TERF1: variants seen among roughly 807,000 people sequenced by gnomAD.
The protein encoded by TERF1 is telomeric repeat-binding factor 1.
In TERF1, 20 loss-of-function variants were observed where a neutral mutation model predicts 55.1. That is an observed-to-expected ratio of 0.36 (90% CI 0.26 to 0.53). The LOEUF is 0.53. Among genes scored for constraint, TERF1 ranks in the 20% least tolerant of loss-of-function variants. The probability of loss-of-function intolerance (pLI) is 0.91; values close to 1 mark genes in which losing one functional copy is unlikely to be tolerated. For missense variants in TERF1, 439 were observed against 535.7 expected, an observed-to-expected ratio of 0.82 and a Z score of 1.78; for synonymous variants, 168 against 181.2, an observed-to-expected ratio of 0.93 and a Z score of 0.59.
Position 73,047,059 on chromosome 8 carries a change from A to T in TERF1, c.*922A>T, listed in dbSNP as rs1239597091. 1.3e-5 allele frequency: 2 copies of T among 152,224 alleles called. No homozygotes were observed. Among genetic ancestry groups the T allele is most frequent in the South Asian group, 2.1e-4 (1 of 4,828 alleles). 9.4% of individuals were successfully genotyped at this position (152,224 alleles called of 1,614,324 possible). On this transcript the variant is annotated 3_prime_UTR_variant, in exon 10 of 10. Coordinates refer to ENST00000276603, the MANE Select transcript of TERF1 (RefSeq NM_017489.3). ...GGGGAGCGGGAGCAAGAGCTGAAAA[A>T]CTTACCTACTGGGGACTGTGCTCAC... is the stretch of plus-strand genomic sequence containing the variant.
intron 1 of TERF1, 101 bp downstream of exon 1, chr8:73,009,306 C>A: frequency 2.8e-5 from 2 of 70,850 alleles, no homozygotes; most frequent in Non-Finnish European, 4.8e-5. Flanking sequence ...GAGGGAGGGG[C>A]TGCTGCGGCC....
chr8:73,030,530 A>T, intron 7 of TERF1, 135 bp downstream of exon 7: 3 of 520,956 alleles, frequency 5.8e-6, no homozygotes, highest in East Asian at 3.7e-5. Context: ...CCCAACAGAT[A>T]GTCACGACTC....
rs144319719 is a variant in TERF1, at chr8:73,024,941, A to G, written c.744A>G (p.Leu248=). Residue 248 remains leucine (L), a synonymous_variant, in exon 5 of 10, where the codon CTA becomes CTG. Coordinates refer to ENST00000276603, the MANE Select transcript of TERF1 (RefSeq NM_017489.3). ...TTAAGAGTTATGTGAATTATGTGCTAAGTGAAAAATCATCAACCTTTCTAA... is the reference window on the plus strand; with the variant it reads ...TTAAGAGTTATGTGAATTATGTGCTGAGTGAAAAATCATCAACCTTTCTAA... ...EKIKSYVNYV[L]SEKSSTFLMK... is the part of the protein sequence containing the mutation. 2.7e-4 allele frequency: 425 copies of G among 1,577,418 alleles called. 1 individual carries two copies. The Middle Eastern group carries it at 3.3e-3, about 12-fold the overall frequency.
chr8:73,018,090 C>A (rs1333353970), intron 2 of TERF1, among the ~76,000 whole-genome samples: 1 of 152,158 alleles, frequency 6.6e-6, no homozygotes, highest in Non-Finnish European at 1.5e-5. Flanking sequence ...ATGCACAATT[C>A]CATTAAAGTA....
At chr8:73,037,881 A>T (rs1250250036) in intron 8 of TERF1, among the ~76,000 whole-genome samples, 2 of 119,980 alleles carry the variant, frequency 1.7e-5, no homozygotes, top group Admixed American at 1.2e-4. Context: ...AATATATATA[A>T]ATATGATATA....
At chr8:73,037,794 A>ATAATAATATATATATTATATATAATATAT (rs1809641964) in intron 8 of TERF1, among the ~76,000 whole-genome samples, 4 of 15,318 alleles carry the variant, frequency 2.6e-4, no homozygotes, top group South Asian at 1.3e-3. Context: ...TATAATATAT[A>ATAATAATATATATATTATATATAATATAT]GTATAATAAT....
Position 73,008,947 on chromosome 8 carries a change from G to C in TERF1, c.61G>C (p.Ala21Pro), listed in dbSNP as rs773732535. 1 of 1,613,030 alleles carries C rather than the reference G, an allele frequency of 6.2e-7. No individual in the cohort carries two copies. The highest frequency in any genetic ancestry group is 8.5e-7 in the Non-Finnish European group (1 of 1,179,734). The change falls in exon 1 of 10, where the codon GCC (alanine) becomes CCC (proline). Residue 21 changes from alanine to proline, a missense_variant. Ala to Pro is a conservative substitution (Grantham distance 27, BLOSUM62 -1). Coordinates refer to ENST00000276603, the MANE Select transcript of TERF1 (RefSeq NM_017489.3). ...SPRGCADGRD[A>P]DPTEEQMAET... ...GCGGGGCTGTGCGGATGGTAGGGAT[G>C]CCGACCCTACTGAGGAGCAGATGGC...
At chr8:73,039,773 GTGT>G (rs1809755259) in intron 9 of TERF1, among the ~76,000 whole-genome samples, 1 of 68,140 alleles carries the variant, frequency 1.5e-5, no homozygotes, top group African/African-American at 8.9e-5. Context: ...TTTTTGTGGT[GTGT>G]GTGTGTGTGT....
At chr8:73,032,163 G>A (rs745640733) in intron 8 of TERF1, 30 bp downstream of exon 8, 91 of 1,508,608 alleles carry the variant, frequency 6.0e-5, no homozygotes, top group Non-Finnish European at 8.0e-5. Flanking sequence ...TTTTAGAAGG[G>A]GAGAATTGAT....
intron 9 of TERF1, among the ~76,000 whole-genome samples, chr8:73,039,544 G>A (rs1290782904): frequency 4.6e-5 from 7 of 152,052 alleles, no homozygotes; most frequent in African/African-American, 1.7e-4. Context: ...TTTCCTAACA[G>A]GGATCCAGTG....
intron 9 of TERF1, among the ~76,000 whole-genome samples, chr8:73,039,980 C>T (rs1809766460): frequency 2.0e-5 from 3 of 148,262 alleles, no homozygotes; most frequent in East Asian, 2.0e-4. Flanking sequence ...TGGCTGGAAC[C>T]GTTTTCTTAC....
chr8:73,042,505 A>G (rs1429126322), intron 9 of TERF1, among the ~76,000 whole-genome samples: 1 of 152,016 alleles, frequency 6.6e-6, no homozygotes, highest in Non-Finnish European at 1.5e-5. Flanking sequence ...CTACTTGGAC[A>G]GTTTTCTTTT....
chr8:73,021,810 G>A (rs1333663661), intron 3 of TERF1, among the ~76,000 whole-genome samples: 2 of 152,032 alleles, frequency 1.3e-5, no homozygotes, highest in African/African-American at 4.8e-5. Flanking sequence ...ATTTTCCAGG[G>A]ATCTGACTAG....
At chr8:73,037,619 TTA>T (rs1563471549) in intron 8 of TERF1, among the ~76,000 whole-genome samples, 1 of 99,866 alleles carries the variant, frequency 1.0e-5, no homozygotes, top group Non-Finnish European at 1.8e-5. Context: ...ATTATATATA[TTA>T]TATATTATAT....
rs1810084039 is a variant in TERF1, at chr8:73,047,352, C to T, written c.*1215C>T. The T allele has an allele frequency of 2.0e-5, 3 of 151,796 alleles. No homozygotes were observed. The highest frequency in any genetic ancestry group is 7.3e-5 in the African/African-American group (3 of 41,312). The allele number at this position is 151,796 out of a possible 1,614,324, so 9.4% of individuals were successfully genotyped here. ...TGAATAGATCTTTATAACCTGATGC[C>T]ATAAATACAAGATTCTCTGATACCT... On this transcript the variant is annotated 3_prime_UTR_variant, in exon 10 of 10. Coordinates refer to ENST00000276603, the MANE Select transcript of TERF1 (RefSeq NM_017489.3).
chr8:73,015,483 CTTGAGCCTAAGAA>C (rs1208499056), intron 2 of TERF1, among the ~76,000 whole-genome samples: 2 of 151,956 alleles, frequency 1.3e-5, no homozygotes, highest in African/African-American at 4.8e-5. Flanking sequence ...AGGAGGATCG[CTTGAGCCTAAGAA>C]TTTGACACCA....
chr8:73,009,399 A>C, intron 1 of TERF1, 194 bp downstream of exon 1: 1 of 581,098 alleles, frequency 1.7e-6, no homozygotes, highest in Non-Finnish European at 3.0e-6. Flanking sequence ...TTTTTCTCAG[A>C]TTGATTTCCT....
chr8:73,036,858 A>ATT (rs1313636233), intron 8 of TERF1, among the ~76,000 whole-genome samples: 1 of 145,250 alleles, frequency 6.9e-6, no homozygotes, highest in African/African-American at 2.5e-5. Context: ...TATATAATAT[A>ATT]TTATATATAT....
intron 4 of TERF1, among the ~76,000 whole-genome samples, chr8:73,023,420 G>A (rs1808853360): frequency 6.6e-6 from 1 of 152,198 alleles, no homozygotes; most frequent in Non-Finnish European, 1.5e-5. Flanking sequence ...TAGAGTTGGA[G>A]AGTGACTACC....
Sources: gnomAD v4.1 joint callset for allele counts (sites outside exome capture counted in the v4.1 genomes callset) on GRCh38, gnomAD v4.1.1 for gene constraint, MANE v1.5 for transcripts, NCBI Gene and HGNC (gene_info 2026-07-23, HGNC 2026-07-21) for gene names.